The following EYS variants were observed in gnomAD, a reference collection of about 807,000 sequenced individuals.
EYS encodes the protein protein eyes shut homolog.
Under a neutral mutation model 282.1 loss-of-function variants are expected in EYS, and 250 were observed. That is an observed-to-expected ratio of 0.89 (90% CI 0.80 to 0.98). The LOEUF is 0.98. Among genes scored for constraint, EYS ranks in the 50% least tolerant of loss-of-function variants. The pLI, the probability that EYS is intolerant of heterozygous loss-of-function variation, is 0.00. For missense variants in EYS, 4,016 were observed against 3,709.0 expected (o/e 1.08, Z -2.15); for synonymous variants, 1,355 against 1,282.9 (o/e 1.06, Z -1.20).
rs1336367032 is a variant in EYS at position 64,997,624 on chromosome 6, C to T, written c.2217G>A (p.Leu739=). ...RCEQDIDDCI[L]NACEHNSTCK... is the part of the protein sequence containing the mutation. ...AGGTAGAATTGTGCTCACAGGCATTCAGGATGCAGTCATCAATGTCCTGTT... is the reference window on the plus strand; with the variant it reads ...AGGTAGAATTGTGCTCACAGGCATTTAGGATGCAGTCATCAATGTCCTGTT... Residue 739 remains leucine, a synonymous_variant, in exon 14 of 43, where the codon CTG becomes CTA. Transcript: ENST00000503581. 2 of 1,551,246 alleles carry T rather than the reference C, an allele frequency of 1.3e-6. No homozygotes were observed. The highest frequency in any genetic ancestry group is 1.7e-6 in the Non-Finnish European group (2 of 1,146,594).
chr6:65,013,980 G>A (rs1363418431), intron 13 of EYS, among the ~76,000 whole-genome samples: 1 of 152,142 alleles, frequency 6.6e-6, no homozygotes, highest in Non-Finnish European at 1.5e-5. Flanking sequence ...GAATCATAAG[G>A]GAGTCCATCA....
At chr6:65,296,293 T>A (rs904010579) in intron 11 of EYS, among the ~76,000 whole-genome samples, 174 bp from the exon 12 acceptor site, 4 of 152,068 alleles carry the variant, frequency 2.6e-5, no homozygotes, top group African/African-American at 7.2e-5. Context: ...AAAATTACTT[T>A]TGATTACTGT....
chr6:64,669,421 C>T (rs12189993), intron 22 of EYS, among the ~76,000 whole-genome samples: 2,178 of 152,074 alleles, frequency 0.014, 37 homozygotes, highest in African/African-American at 0.044. Context: ...GAGAGAGAAA[C>T]GACCTCAGAT....
chr6:64,332,771 T>A (rs1157061582), intron 29 of EYS, among the ~76,000 whole-genome samples: 1 of 152,170 alleles, frequency 6.6e-6, no homozygotes, highest in Non-Finnish European at 1.5e-5. Context: ...AGCTGACTAG[T>A]CTACACATGG....
intron 12 of EYS, among the ~76,000 whole-genome samples, chr6:65,070,208 T>C (rs1773864250): frequency 6.6e-6 from 1 of 151,954 alleles, no homozygotes; most frequent in Non-Finnish European, 1.5e-5. Flanking sequence ...CTTATCTACG[T>C]GCTAATTCAT....
At chr6:64,343,826 G>T (rs987216248) in intron 29 of EYS, among the ~76,000 whole-genome samples, 1 of 151,814 alleles carries the variant, frequency 6.6e-6, no homozygotes, top group Non-Finnish European at 1.5e-5. Flanking sequence ...TAATAAAGAA[G>T]AAAAGAGAGA....
At chr6:65,372,642 A>G (rs924987709) in intron 8 of EYS, among the ~76,000 whole-genome samples, 8 of 152,074 alleles carry the variant, frequency 5.3e-5, no homozygotes, top group African/African-American at 1.9e-4. Context: ...GTAAAGCAAC[A>G]ATTGTTTTAT....
chr6:64,090,559 T>C (rs968812827), intron 31 of EYS, among the ~76,000 whole-genome samples: 5 of 152,146 alleles, frequency 3.3e-5, no homozygotes, highest in Admixed American at 6.6e-5. Flanking sequence ...GTGACAGCTG[T>C]GAGTTCCTTA....
At chr6:65,180,017 A>G (rs1407026904) in intron 12 of EYS, among the ~76,000 whole-genome samples, 1 of 152,130 alleles carries the variant, frequency 6.6e-6, no homozygotes, top group East Asian at 1.9e-4. Flanking sequence ...CCTTCATGCT[A>G]AAAAATCTCA....
At chr6:64,211,728 A>T (rs1425043379) in intron 31 of EYS, among the ~76,000 whole-genome samples, 2 of 149,650 alleles carry the variant, frequency 1.3e-5, no homozygotes, top group Non-Finnish European at 3.0e-5. Flanking sequence ...ATATGTTTAT[A>T]TATATAAAAT....
chr6:64,975,066 A>G (rs1022142105), intron 14 of EYS, among the ~76,000 whole-genome samples: 72 of 151,912 alleles, frequency 4.7e-4, no homozygotes, highest in Admixed American at 4.1e-3. Flanking sequence ...AGTAAAATAT[A>G]CCAAGTTTCA....
At chr6:65,501,605 G>C (rs1034536679) in intron 2 of EYS, among the ~76,000 whole-genome samples, 2 of 151,622 alleles carry the variant, frequency 1.3e-5, no homozygotes, top group Non-Finnish European at 1.5e-5. Context: ...ACTGATTATA[G>C]AGTATAAAAG....
chr6:64,251,332 G>C (rs1312563923), intron 30 of EYS, among the ~76,000 whole-genome samples: 1 of 151,946 alleles, frequency 6.6e-6, no homozygotes, highest in Non-Finnish European at 1.5e-5. Context: ...AGAACTACTA[G>C]AACTATTTCA....
intron 30 of EYS, among the ~76,000 whole-genome samples, chr6:64,281,239 G>T (rs1768298369): frequency 1.3e-5 from 2 of 151,928 alleles, no homozygotes; most frequent in Non-Finnish European, 1.5e-5. Context: ...ATGACTTAAT[G>T]CATCTTTCAA....
In EYS at chr6:64,933,057, A is replaced by G. The variant is rs377246621; in HGVS notation, c.2381+12736T>C. 5.9e-5 allele frequency among the ~76,000 whole-genome samples: 9 copies of G among 152,212 alleles called. No individual in the cohort carries two copies. The East Asian group carries it at 1.4e-3, about 23-fold the overall frequency. On this transcript the variant is annotated intron_variant, in intron 15 of 42. Transcript: ENST00000503581. ...GCACAGAAATAAAACCAGTAAATAG[A>G]AACTGCCTTTGAGGACACCCGAATA...
At chr6:65,320,680 G>C (rs1478417803) in intron 11 of EYS, among the ~76,000 whole-genome samples, 2 of 152,208 alleles carry the variant, frequency 1.3e-5, no homozygotes, top group Non-Finnish European at 2.9e-5. Flanking sequence ...GCCAGTTATA[G>C]TTCTGCCAGT....
chr6:65,675,122 A>G (rs2149834875), intron 1 of EYS, among the ~76,000 whole-genome samples: 1 of 152,072 alleles, frequency 6.6e-6, no homozygotes, highest in African/African-American at 2.4e-5. Context: ...TATGCAAAAG[A>G]AAATAAGAAA....
intron 12 of EYS, among the ~76,000 whole-genome samples, chr6:65,262,118 C>G (rs1334036593): frequency 6.6e-6 from 1 of 151,996 alleles, no homozygotes; most frequent in African/African-American, 2.4e-5. Flanking sequence ...CTAAATAGCT[C>G]CCAGGTGCTT....
At chr6:64,159,550 ACT>A (rs1418580198) in intron 31 of EYS, among the ~76,000 whole-genome samples, 2 of 120,010 alleles carry the variant, frequency 1.7e-5, no homozygotes, top group Non-Finnish European at 3.3e-5. Flanking sequence ...ACAGAGCGAG[ACT>A]CTGTCTTAAA....
Sources: gnomAD v4.1 joint callset for allele counts (sites outside exome capture counted in the v4.1 genomes callset) on GRCh38, gnomAD v4.1.1 for gene constraint, MANE v1.5 for transcripts, NCBI Gene and HGNC (gene_info 2026-07-23, HGNC 2026-07-21) for gene names.